The following SYN3 variants were observed in gnomAD, a reference collection of about 807,000 sequenced individuals.
The protein encoded by SYN3 is synapsin-3.
A neutral mutation model predicts 65.8 loss-of-function variants in SYN3; 35 were observed. That is an observed-to-expected ratio of 0.53 (90% confidence interval 0.41 to 0.70). SYN3 has a LOEUF of 0.70. Ranked by LOEUF, SYN3 falls within the 30% of genes least tolerant of loss-of-function variation. The pLI, the probability that SYN3 is intolerant of heterozygous loss-of-function variation, is 0.00. For synonymous variants in SYN3, 270 were observed against 292.9 expected, an observed-to-expected ratio of 0.92 and a Z score of 0.80; for missense variants, 680 against 749.0, an observed-to-expected ratio of 0.91 and a Z score of 1.08.
intron 1 of SYN3, among the ~76,000 whole-genome samples, chr22:33,035,982 C>G (rs1260459344): frequency 6.6e-6 from 1 of 152,144 alleles, no homozygotes. Flanking sequence ...CTCCAACCAC[C>G]CAGAGACATC....
chr22:32,848,632 A>T lies in SYN3; in HGVS notation c.711+16283T>A, dbSNP rs578255186. 2.0e-5 allele frequency among the ~76,000 whole-genome samples: 3 copies of T among 152,326 alleles called. No individual in the cohort carries two copies. The South Asian group carries it at 6.2e-4, about 32-fold the overall frequency. The stretch of plus-strand genomic sequence containing the variant: ...TATTAATAATATTTGTCTAGTGCAA[A>T]CTATGTCCAAGACAGTATCAAGAGT... On this transcript the variant is annotated intron_variant, in intron 6 of 13. Transcript: ENST00000358763.
chr22:32,665,769 T>C (rs1192210582), intron 6 of SYN3, among the ~76,000 whole-genome samples: 1 of 152,058 alleles, frequency 6.6e-6, no homozygotes, highest in Non-Finnish European at 1.5e-5. Context: ...CTCTCAGACC[T>C]TTTCTCTTTT....
chr22:32,637,630 C>CTTTTTTTTTTTTTTTTT (rs1185407986), intron 6 of SYN3, among the ~76,000 whole-genome samples: 1 of 93,562 alleles, frequency 1.1e-5, no homozygotes, highest in Non-Finnish European at 2.0e-5. Flanking sequence ...TTTTCTTTTT[C>CTTTTTTTTTTTTTTTTT]TTTTTTTTTT....
intron 6 of SYN3, among the ~76,000 whole-genome samples, chr22:32,802,638 G>A (rs998726949): frequency 2.0e-5 from 3 of 152,134 alleles, no homozygotes; most frequent in African/African-American, 7.2e-5. Flanking sequence ...CAACCCAGCT[G>A]CAGGCTTCCC....
At chr22:32,649,113 C>G (rs538800425) in intron 6 of SYN3, among the ~76,000 whole-genome samples, 3 of 152,202 alleles carry the variant, frequency 2.0e-5, no homozygotes, top group Non-Finnish European at 2.9e-5. Flanking sequence ...TATACTTCCC[C>G]TATCCCTAAT....
intron 7 of SYN3, among the ~76,000 whole-genome samples, chr22:32,572,400 C>T (rs1569051621): frequency 3.9e-3 from 144 of 37,138 alleles, no homozygotes; most frequent in South Asian, 7.3e-3. Flanking sequence ...CCTTCCCTCC[C>T]TCCCTCCTGT....
At chr22:32,664,402 G>A (rs972038580) in intron 6 of SYN3, among the ~76,000 whole-genome samples, 14 of 152,154 alleles carry the variant, frequency 9.2e-5, no homozygotes, top group African/African-American at 3.4e-4. Flanking sequence ...AGTGGTCGGT[G>A]TTTTAGTCCT....
At chr22:32,691,523 C>A (rs713867) in intron 6 of SYN3, among the ~76,000 whole-genome samples, 40,094 of 151,978 alleles carry the variant, frequency 0.26, 8,651 homozygotes, top group East Asian at 0.64. Context: ...TTTGCCTTCC[C>A]GGAAAGTATG....
At chr22:32,968,604 C>G (rs2051919177) in intron 3 of SYN3, among the ~76,000 whole-genome samples, 1 of 152,210 alleles carries the variant, frequency 6.6e-6, no homozygotes, top group African/African-American at 2.4e-5. Context: ...ATGGCATACC[C>G]TGGTCATTTG....
intron 1 of SYN3, among the ~76,000 whole-genome samples, chr22:33,029,430 A>G (rs2053710464): frequency 6.6e-6 from 1 of 151,776 alleles, no homozygotes; most frequent in African/African-American, 2.4e-5. Flanking sequence ...AAATCCTCCC[A>G]CCTCAACCTC....
rs2057687923 is a variant in SYN3 at position 32,511,203 on chromosome 22, G to C, written c.*2489C>G. Among the ~76,000 whole-genome samples, 1 of 152,130 alleles carries C rather than the reference G, an allele frequency of 6.6e-6. No individual in the cohort carries two copies. Among genetic ancestry groups the C allele is most frequent in the Admixed American group, 6.5e-5 (1 of 15,272 alleles). On this transcript the variant is annotated 3_prime_UTR_variant, in exon 14 of 14. Coordinates refer to ENST00000358763, the MANE Select transcript of SYN3 (RefSeq NM_003490.4). The stretch of plus-strand genomic sequence containing the variant: ...TTTCTTCAGAAATTCCAAGGGAGTG[G>C]TGAAAGAATTAAGTGAGCAGCAGCA...
intron 7 of SYN3, among the ~76,000 whole-genome samples, chr22:32,556,842 A>G (rs1231057270): frequency 1.0e-5 from 1 of 95,694 alleles, no homozygotes; most frequent in Non-Finnish European, 2.0e-5. Flanking sequence ...TTTTGTGTGT[A>G]GAGATGGGGT....
At chr22:33,020,484 A>G (rs931020186) in intron 1 of SYN3, among the ~76,000 whole-genome samples, 6 of 152,188 alleles carry the variant, frequency 3.9e-5, no homozygotes, top group Non-Finnish European at 7.3e-5. Context: ...CAGCACCTCA[A>G]TACAATCACG....
intron 4 of SYN3, among the ~76,000 whole-genome samples, chr22:32,880,274 A>AGAAGTGGAGGCT (rs1397610497): frequency 6.6e-6 from 1 of 152,182 alleles, no homozygotes; most frequent in Non-Finnish European, 1.5e-5. Flanking sequence ...TGGGTTCCCT[A>AGAAGTGGAGGCT]GAAGTGGAGG....
chr22:32,685,797 A>G lies in SYN3; in HGVS notation c.712-89061T>C, dbSNP rs1185800203. ...TTGACCTCATCATCCCATTTCTAAG[A>G]AGTTGTCTTAAGAAATAATCAGAGT... On this transcript the variant is annotated intron_variant, in intron 6 of 13. Transcript: ENST00000358763. Among the ~76,000 whole-genome samples, 3 of 152,236 alleles carry G rather than the reference A, an allele frequency of 2.0e-5. No individual in the cohort carries two copies. The South Asian group carries it at 6.2e-4, about 32-fold the overall frequency.
At chr22:32,865,482 C>T (rs1364258077) in intron 5 of SYN3, among the ~76,000 whole-genome samples, 1 of 152,170 alleles carries the variant, frequency 6.6e-6, no homozygotes, top group Non-Finnish European at 1.5e-5. Context: ...TCTGAGCTTT[C>T]GTTTCTTCAC....
intron 7 of SYN3, among the ~76,000 whole-genome samples, chr22:32,571,958 C>T (rs1005710690): frequency 1.3e-5 from 2 of 151,776 alleles, no homozygotes; most frequent in African/African-American, 4.8e-5. Context: ...TGGTTTCTGC[C>T]CTTAAGGTCT....
chr22:32,903,425 C>T (rs956624538), intron 4 of SYN3, among the ~76,000 whole-genome samples: 5 of 152,148 alleles, frequency 3.3e-5, no homozygotes, highest in African/African-American at 1.2e-4. Context: ...ATATATAGTA[C>T]AGGGAACTGC....
At chr22:32,586,234 G>T (rs1444173871) in intron 7 of SYN3, among the ~76,000 whole-genome samples, 1 of 151,852 alleles carries the variant, frequency 6.6e-6, no homozygotes, top group African/African-American at 2.4e-5. Flanking sequence ...TTATAAAGTT[G>T]CAGTGAACAC....
Sources: allele counts gnomAD v4.1 joint callset (sites outside exome capture counted in the v4.1 genomes callset), GRCh38; gene constraint gnomAD v4.1.1; transcripts MANE v1.5; gene names NCBI Gene and HGNC (gene_info 2026-07-23, HGNC 2026-07-21).